The following VIM variants were observed in gnomAD, a reference collection of about 807,000 sequenced individuals.
VIM encodes the protein vimentin.
A neutral mutation model predicts 50.3 loss-of-function variants in VIM; 18 were observed. The observed-to-expected ratio is 0.36, with a 90% CI of 0.25 to 0.53. VIM has a LOEUF of 0.53. VIM is among the 20% of genes least tolerant of loss of function. The pLI is 0.91. For synonymous variants in VIM, 245 were observed against 248.5 expected (o/e 0.99, Z 0.13); for missense variants, 551 against 614.7 (o/e 0.90, Z 1.10).
rs778153870 is a variant in VIM at position 17,235,170 on chromosome 10, A to G, written c.1010A>G (p.Asn337Ser). 3.7e-6 allele frequency: 6 copies of G among 1,614,114 alleles called. No individual in the cohort carries two copies. In the East Asian group the frequency reaches 1.3e-4, roughly 36 times the overall value. The change falls in exon 7 of 10, where the codon AAT (asparagine) becomes AGT (serine). Residue 337 changes from asparagine (N) to serine (S), a missense_variant and splice_region_variant. By Grantham distance (46) the Asn-to-Ser change is conservative (BLOSUM62 1). Transcript: ENST00000544301. ...AGACATCTTTCTCACCCCCTGCAGA[A>G]TGAGTCCCTGGAACGCCAGATGCGT... ...TCEVDALKGT[N>S]ESLERQMREM...
At chr10:17,234,475 C>G (rs924523152) in intron 5 of VIM, among the ~76,000 whole-genome samples, 10 of 152,152 alleles carry the variant, frequency 6.6e-5, no homozygotes, top group Admixed American at 5.2e-4. Flanking sequence ...AAGTAAACCC[C>G]AATGCCATAC....
rs1588733012 is a variant in VIM at position 17,230,893 on chromosome 10, C to A, written c.624+183C>A. 6 of 627,488 alleles carry A rather than the reference C, an allele frequency of 9.6e-6. No homozygotes were observed. In the East Asian group the frequency reaches 1.2e-4, roughly 12 times the overall value. 38.9% of individuals were successfully genotyped at this position (627,488 alleles called of 1,614,324 possible). On this transcript the variant is annotated intron_variant, in intron 3 of 9. Coordinates refer to ENST00000544301, the MANE Select transcript of VIM (RefSeq NM_003380.5). ...CATGATTAGAAAAATATTAATAAAA[C>A]CCCTTGAGCGATTTTTTTTTTTTTT...
Position 17,229,768 on chromosome 10 carries a change from A to G in VIM, c.346A>G (p.Asn116Asp). The change falls in exon 2 of 10, where the codon AAC becomes GAC. Residue 116 changes from asparagine (N) to aspartate (D), a missense_variant. Asn to Asp is a conservative substitution (Grantham distance 23). Around this residue, in one of 3 missense-constraint regions of VIM, gnomAD observed 23 missense variants for 50.9 expected, o/e 0.45. Coordinates refer to ENST00000544301, the MANE Select transcript of VIM (RefSeq NM_003380.5). ...GCAGGAGCTGAATGACCGCTTCGCC[A>G]ACTACATCGACAAGGTGCGCTTCCT... Reference protein sequence around the residue: ...ELQELNDRFANYIDKVRFLEQ... With the variant: ...ELQELNDRFADYIDKVRFLEQ... 1 of 1,590,214 alleles carries G rather than the reference A, an allele frequency of 6.3e-7. No homozygotes were observed.
intron 9 of VIM, among the ~76,000 whole-genome samples, chr10:17,236,807 T>C (rs956485325): frequency 3.8e-4 from 58 of 152,230 alleles, no homozygotes; most frequent in African/African-American, 1.4e-3. Context: ...CATACGATCA[T>C]TTAGTTTCTT....
intron 5 of VIM, 156 bp downstream of exon 5, chr10:17,234,087 C>T: frequency 1.3e-6 from 1 of 759,410 alleles, no homozygotes; most frequent in Non-Finnish European, 2.2e-6. Flanking sequence ...CTCCCCACCA[C>T]TCACATCACC....
At chr10:17,233,734 T>A (rs377174707) in intron 4 of VIM, 36 bp from the exon 5 acceptor site, 17 of 1,614,042 alleles carry the variant, frequency 1.1e-5, no homozygotes, top group Non-Finnish European at 1.2e-5. Flanking sequence ...GCCCCCACGG[T>A]TGGCAGAGCT....
At chr10:17,236,670 C>T (rs1234103799) in intron 9 of VIM, among the ~76,000 whole-genome samples, 1 of 152,170 alleles carries the variant, frequency 6.6e-6, no homozygotes, top group African/African-American at 2.4e-5. Context: ...CTTCCTAAAG[C>T]AGCTACATGA....
chr10:17,236,677 A>C (rs1281995454), intron 9 of VIM, among the ~76,000 whole-genome samples: 1 of 152,244 alleles, frequency 6.6e-6, no homozygotes, highest in Non-Finnish European at 1.5e-5. Context: ...AAGCAGCTAC[A>C]TGAAACAGCT....
In VIM at chr10:17,229,478, G is replaced by C; in HGVS notation, c.56G>C (p.Gly19Ala). Residue 19 changes from glycine to alanine, a missense_variant, in exon 2 of 10, where the codon GGC becomes GCC. Transcript: ENST00000544301. ...SSYRRMFGGPGTASRPSSSRS... is the reference protein window; with the variant it reads ...SSYRRMFGGPATASRPSSSRS... ...TACCGCAGGATGTTCGGCGGCCCGG[G>C]CACCGCGAGCCGGCCGAGCTCCAGC... The C allele has an allele frequency of 6.2e-7, 1 of 1,606,362 alleles. No homozygotes were observed. Among genetic ancestry groups the C allele is most frequent in the Middle Eastern group, 2.1e-4 (1 of 4,776 alleles).
chr10:17,234,791 C>G lies in VIM; in HGVS notation c.981C>G (p.Thr327=), dbSNP rs1193383296. ...ACCGGAGACAGGTGCAGTCCCTCAC[C>G]TGTGAAGTGGATGCCCTTAAAGGAA... ...TEYRRQVQSL[T]CEVDALKGTN... Residue 327 remains threonine (T), a synonymous_variant, in exon 6 of 10, where the codon ACC becomes ACG. Coordinates refer to ENST00000544301, the MANE Select transcript of VIM (RefSeq NM_003380.5). The G allele has an allele frequency of 1.9e-6, 3 of 1,614,148 alleles. No homozygotes were observed. Among genetic ancestry groups the G allele is most frequent in the Non-Finnish European group, 2.5e-6 (3 of 1,180,032 alleles).
In VIM at chr10:17,235,299, T is replaced by G; in HGVS notation, c.1139T>G (p.Leu380Arg). The stretch of plus-strand genomic sequence containing the variant: ...ATGAAGGAGGAAATGGCTCGTCACC[T>G]TCGTGAATACCAAGACCTGCTCAAT... ...QNMKEEMARH[L>R]REYQDLLNVK... The change falls in exon 7 of 10, where the codon CTT becomes CGT. Residue 380 changes from leucine to arginine, a missense_variant. By Grantham distance (102) the Leu-to-Arg change is moderately radical (BLOSUM62 -2). Around this residue, in one of 3 missense-constraint regions of VIM, gnomAD observed 394 missense variants for 437.5 expected, o/e 0.90. Transcript: ENST00000544301. 6.2e-7 allele frequency: 1 copy of G among 1,614,208 alleles called. No homozygotes were observed. The highest frequency in any genetic ancestry group is 8.5e-7 in the Non-Finnish European group (1 of 1,180,038).
At position 17,237,324 on chromosome 10, in the gene VIM, A is replaced by G; in HGVS notation, c.*53A>G. 5 of 1,559,986 alleles carry G rather than the reference A, an allele frequency of 3.2e-6. No homozygotes were observed. Among genetic ancestry groups the G allele is most frequent in the Non-Finnish European group, 4.4e-6 (5 of 1,142,316 alleles). ...TATTACCAGCAAGAATAAAAAAGAA[A>G]TCCATATCTTAAAGAAACAGCTTTC... On this transcript the variant is annotated 3_prime_UTR_variant, in exon 10 of 10. Transcript: ENST00000544301.
chr10:17,233,465 T>G, intron 3 of VIM, 122 bp from the exon 4 acceptor site: 1 of 911,876 alleles, frequency 1.1e-6, no homozygotes, highest in Non-Finnish European at 1.8e-6. Flanking sequence ...GGTCATAAAA[T>G]GTGTCAACGG....
Position 17,229,347 on chromosome 10 carries a change from C to T in VIM, c.-76C>T. ...GCGCTCCCACCACCCACACCCACCGCGCCCTCGTTCGCCTCTTCTCCGGGA... is the reference window on the plus strand; with the variant it reads ...GCGCTCCCACCACCCACACCCACCGTGCCCTCGTTCGCCTCTTCTCCGGGA... On this transcript the variant is annotated 5_prime_UTR_variant, in exon 2 of 10. Transcript: ENST00000544301. The T allele has an allele frequency of 1.4e-6, 2 of 1,458,130 alleles. No individual in the cohort carries two copies. The highest frequency in any genetic ancestry group is 2.5e-5 in the East Asian group (1 of 40,486). 90.3% of individuals were successfully genotyped at this position (1,458,130 alleles called of 1,614,324 possible). A position where few individuals can be genotyped will look rare whatever the true frequency, so the allele number is the denominator to read the frequency against.
rs1156485523 is a variant in VIM at position 17,228,283 on chromosome 10, T to G, written c.-389T>G. ...CGCCTCTCCAAAGGCTGCAGAAGTT[T>G]CTTGCTAACAAAAAGTCCGCACATT... On this transcript the variant is annotated 5_prime_UTR_variant, in exon 1 of 10. Transcript: ENST00000544301. 2.0e-5 allele frequency: 3 copies of G among 152,156 alleles called. No individual in the cohort carries two copies. The highest frequency in any genetic ancestry group is 2.4e-5 in the African/African-American group (1 of 41,424). 9.4% of individuals were successfully genotyped at this position (152,156 alleles called of 1,614,324 possible). A position where few individuals can be genotyped will look rare whatever the true frequency, so the allele number is the denominator to read the frequency against.
At chr10:17,233,468 G>T (rs1462107718) in intron 3 of VIM, 119 bp from the exon 4 acceptor site, 13 of 958,382 alleles carry the variant, frequency 1.4e-5, no homozygotes, top group Non-Finnish European at 2.1e-5. Flanking sequence ...CATAAAATGT[G>T]TCAACGGCTT....
chr10:17,236,268 C>T lies in VIM; in HGVS notation c.1274-26C>T, dbSNP rs765509915. ...TTCCAAGAAAAAACTCGTTTTTACT[C>T]ATTTTTGGCCTGTTTGTTTATTTAG... On this transcript the variant is annotated intron_variant, in intron 8 of 9. Transcript: ENST00000544301. The T allele has an allele frequency of 2.6e-6, 4 of 1,559,542 alleles. No individual in the cohort carries two copies. The South Asian group carries it at 3.3e-5, about 13-fold the overall frequency.
chr10:17,235,025 C>G, intron 6 of VIM, 144 bp from the exon 7 acceptor site: 1 of 1,168,066 alleles, frequency 8.6e-7, no homozygotes, highest in South Asian at 1.3e-5. Flanking sequence ...ATATGAAGGA[C>G]TTGGTACTCG....
rs1056430328 is a variant in VIM at position 17,228,506 on chromosome 10, G to C, written c.-166G>C. 6.6e-6 allele frequency: 1 copy of C among 152,202 alleles called. No individual in the cohort carries two copies. Among genetic ancestry groups the C allele is most frequent in the African/African-American group, 2.4e-5 (1 of 41,440 alleles). The allele number at this position is 152,202 out of a possible 1,614,324, so 9.4% of individuals were successfully genotyped here. The stretch of plus-strand genomic sequence containing the variant: ...CCTAAACCGCTAGGAGCCCTCAATC[G>C]GCGGGACAGCAGGGCGCGGTGAGTC... On this transcript the variant is annotated 5_prime_UTR_variant, in exon 1 of 10. Transcript: ENST00000544301.
Sources: allele counts gnomAD v4.1 joint callset (sites outside exome capture counted in the v4.1 genomes callset), GRCh38; gene constraint gnomAD v4.1.1; regional missense constraint gnomAD v4.1.1; transcripts MANE v1.5; gene names NCBI Gene and HGNC (gene_info 2026-07-23, HGNC 2026-07-21).